Variants in ZFP69B observed in about 807,000 individuals in gnomAD.
ZFP69B encodes ZFP69 zinc finger protein B, also known as zinc finger protein 69 homolog B.
In ZFP69B, 20 loss-of-function variants were observed where a neutral mutation model predicts 19.7. The observed-to-expected ratio is 1.02, with a 90% confidence interval of 0.71 to 1.48. The LOEUF is 1.48. Ranked by LOEUF, ZFP69B falls within the 40% of genes most tolerant of loss-of-function variation. ZFP69B has a pLI of 0.00. For synonymous variants in ZFP69B, 220 were observed against 222.7 expected (o/e 0.99, Z 0.11); for missense variants, 583 against 632.6 (o/e 0.92, Z 0.84).
At chr1:40,458,291 A>G (rs772908030) in intron 4 of ZFP69B, among the ~76,000 whole-genome samples, 38 of 152,120 alleles carry the variant, frequency 2.5e-4, no homozygotes, top group Admixed American at 3.9e-4. Flanking sequence ...TCCTCTATCA[A>G]CTAGTTTAAT....
chr1:40,463,095 G>T lies in ZFP69B; in HGVS notation c.1111G>T (p.Ala371Ser). The change falls in exon 5 of 5, where the codon GCC (alanine) becomes TCC (serine). Residue 371 changes from alanine to serine, a missense_variant. Physicochemically the swap from Ala to Ser is moderately conservative, Grantham distance 99. Coordinates refer to ENST00000361584, the MANE Select transcript of ZFP69B (RefSeq NM_023070.3). ...KPYECRVCEKAFSQSIGLIQH... is the reference protein window; with the variant it reads ...KPYECRVCEKSFSQSIGLIQH... ...CTATGAATGTAGGGTATGTGAGAAAGCCTTCAGCCAGAGCATTGGACTGAT... is the reference window on the plus strand; with the variant it reads ...CTATGAATGTAGGGTATGTGAGAAATCCTTCAGCCAGAGCATTGGACTGAT... The T allele has an allele frequency of 6.2e-7, 1 of 1,614,166 alleles. No homozygotes were observed. The highest frequency in any genetic ancestry group is 8.5e-7 in the Non-Finnish European group (1 of 1,180,024).
chr1:40,451,483 C>T (rs1032896716), intron 1 of ZFP69B, among the ~76,000 whole-genome samples: 2 of 151,976 alleles, frequency 1.3e-5, no homozygotes, highest in East Asian at 1.9e-4. Context: ...GTAACTTGTG[C>T]TAGAAAGCAA....
At chr1:40,455,365 A>C (rs1405783958) in intron 2 of ZFP69B, among the ~76,000 whole-genome samples, 1 of 152,202 alleles carries the variant, frequency 6.6e-6, no homozygotes, top group Non-Finnish European at 1.5e-5. Flanking sequence ...ACATGGTTTA[A>C]TCATGTGTTT....
rs1645242097 is a variant in ZFP69B at position 40,457,266 on chromosome 1, A to G, written c.341-78A>G. The G allele has an allele frequency of 1.9e-6, 3 of 1,540,480 alleles. No individual in the cohort carries two copies. The East Asian group carries it at 6.8e-5, about 35-fold the overall frequency. The stretch of plus-strand genomic sequence containing the variant: ...ACTCTGCTTTCTTTAGAAGGCCCGA[A>G]TACCAAAGAACCATATTTAAATTCT... On this transcript the variant is annotated intron_variant, in intron 3 of 4. Coordinates refer to ENST00000361584, the MANE Select transcript of ZFP69B (RefSeq NM_023070.3).
In ZFP69B at chr1:40,456,983, T is replaced by C; in HGVS notation, c.252T>C (p.Thr84=). 1 of 1,613,976 alleles carries C rather than the reference T, an allele frequency of 6.2e-7. No homozygotes were observed. The highest frequency in any genetic ancestry group is 8.5e-7 in the Non-Finnish European group (1 of 1,179,878). The change falls in exon 3 of 5, where the codon ACT becomes ACC. Residue 84 remains threonine, a synonymous_variant. Transcript: ENST00000361584. The part of the protein sequence containing the change: ...LTFKDVSVDF[T]QEEWGQLAPA... ...TCAAGGACGTATCTGTGGACTTCAC[T>C]CAGGAGGAGTGGGGGCAGCTGGCCC... is the stretch of plus-strand genomic sequence containing the variant.
At position 40,462,429 on chromosome 1, in the gene ZFP69B, A is replaced by G. The variant is rs773022185; in HGVS notation, c.445A>G (p.Ser149Gly). Residue 149 changes from serine to glycine, a missense_variant, in exon 5 of 5, where the codon AGC becomes GGC. Coordinates refer to ENST00000361584, the MANE Select transcript of ZFP69B (RefSeq NM_023070.3). Reference protein sequence around the residue: ...ISGVPSSDLKSKTKTKESALQ... With the variant: ...ISGVPSSDLKGKTKTKESALQ... ...TTTATTATTTCTTTCAGACTTGAAGAGCAAAACAAAAACCAAAGAGTCAGC... is the reference window on the plus strand; with the variant it reads ...TTTATTATTTCTTTCAGACTTGAAGGGCAAAACAAAAACCAAAGAGTCAGC... 79 of 1,580,500 alleles carry G rather than the reference A, an allele frequency of 5.0e-5. No homozygotes were observed. The highest frequency in any genetic ancestry group is 5.9e-5 in the Non-Finnish European group (69 of 1,169,238).
rs1569992465 is a variant in ZFP69B at position 40,463,567 on chromosome 1, A to C, written c.1583A>C (p.Asn528Thr). ...LIRHCKTHLR[N>T]TFSNVV is the part of the protein sequence containing the mutation. ...AGACACTGCAAAACACATTTAAGAA[A>C]TACCTTCAGCAATGTTGTGTGAAAT... is the stretch of plus-strand genomic sequence containing the variant. Residue 528 changes from asparagine to threonine, a missense_variant, in exon 5 of 5, where the codon AAT becomes ACT. Asn to Thr is a moderately conservative substitution (Grantham distance 65). Coordinates refer to ENST00000361584, the MANE Select transcript of ZFP69B (RefSeq NM_023070.3). 2 of 1,609,474 alleles carry C rather than the reference A, an allele frequency of 1.2e-6. No homozygotes were observed. Among genetic ancestry groups the C allele is most frequent in the African/African-American group, 2.7e-5 (2 of 74,812 alleles).
rs1278412915 is a variant in ZFP69B at position 40,462,943 on chromosome 1, C to A, written c.959C>A (p.Ser320Ter). Residue 320 changes from serine (S) to a stop codon, truncating the protein, a stop_gained, in exon 5 of 5, where the codon TCA becomes TAA. Coordinates refer to ENST00000361584, the MANE Select transcript of ZFP69B (RefSeq NM_023070.3). LOFTEE classifies it low-confidence loss of function (END_TRUNC). ...KECGKAFSQSSSLIPHQRIHT... is the reference protein window; with the variant it reads ...KECGKAFSQS The stretch of plus-strand genomic sequence containing the variant: ...TGTGGAAAAGCCTTTAGCCAAAGTT[C>A]ATCTCTTATTCCGCATCAGAGAATT... 5.0e-6 allele frequency: 8 copies of A among 1,613,842 alleles called. No individual in the cohort carries two copies. Among genetic ancestry groups the A allele is most frequent in the Non-Finnish European group, 5.1e-6 (6 of 1,180,002 alleles).
intron 2 of ZFP69B, among the ~76,000 whole-genome samples, chr1:40,456,280 C>T (rs1237611923): frequency 2.6e-5 from 4 of 152,164 alleles, no homozygotes; most frequent in African/African-American, 4.8e-5. Flanking sequence ...TGTTCCCTGA[C>T]TTTTTAATGA....
chr1:40,458,577 T>A (rs184732275), intron 4 of ZFP69B, among the ~76,000 whole-genome samples: 109 of 151,518 alleles, frequency 7.2e-4, no homozygotes, highest in African/African-American at 2.4e-3. Flanking sequence ...AGTGCCGTGG[T>A]GCAGTCTCGG....
At position 40,462,945 on chromosome 1, in the gene ZFP69B, T is replaced by C. The variant is rs1341590636; in HGVS notation, c.961T>C (p.Ser321Pro). 6.2e-7 allele frequency: 1 copy of C among 1,614,050 alleles called. No individual in the cohort carries two copies. The highest frequency in any genetic ancestry group is 2.2e-5 in the East Asian group (1 of 44,838). The change falls in exon 5 of 5, where the codon TCT becomes CCT. Residue 321 changes from serine to proline, a missense_variant. Coordinates refer to ENST00000361584, the MANE Select transcript of ZFP69B (RefSeq NM_023070.3). Reference sequence around the variant, plus strand: ...TGGAAAAGCCTTTAGCCAAAGTTCATCTCTTATTCCGCATCAGAGAATTCA... The same window carrying C: ...TGGAAAAGCCTTTAGCCAAAGTTCACCTCTTATTCCGCATCAGAGAATTCA... ...ECGKAFSQSS[S>P]LIPHQRIHTG... is the part of the protein sequence containing the mutation.
chr1:40,463,063 A>G lies in ZFP69B; in HGVS notation c.1079A>G (p.Glu360Gly), dbSNP rs1645306522. The G allele has an allele frequency of 6.2e-7, 1 of 1,614,176 alleles. No homozygotes were observed. The highest frequency in any genetic ancestry group is 1.3e-5 in the African/African-American group (1 of 75,056). Residue 360 changes from glutamate to glycine, a missense_variant, in exon 5 of 5, where the codon GAA (glutamate) becomes GGA (glycine). Glu to Gly is a moderately conservative substitution (Grantham distance 98). Coordinates refer to ENST00000361584, the MANE Select transcript of ZFP69B (RefSeq NM_023070.3). ...CAACATGTTAGAATTCATACCGGGG[A>G]AAAGCCCTATGAATGTAGGGTATGT... ...LTQHVRIHTG[E>G]KPYECRVCEK...
At chr1:40,452,938 TACAAAG>T (rs1400023804) in intron 1 of ZFP69B, among the ~76,000 whole-genome samples, 1 of 150,756 alleles carries the variant, frequency 6.6e-6, no homozygotes, top group Non-Finnish European at 1.5e-5. Context: ...TGGAATAAAA[TACAAAG>T]ACAGTTATTC....
At chr1:40,462,180 A>C (rs1645291162) in intron 4 of ZFP69B, among the ~76,000 whole-genome samples, 1 of 152,048 alleles carries the variant, frequency 6.6e-6, no homozygotes, top group Admixed American at 6.6e-5. Flanking sequence ...TCAGCCTCCT[A>C]AAATGCTGGG....
intron 2 of ZFP69B, 140 bp from the exon 3 acceptor site, chr1:40,456,805 T>C (rs1645237298): frequency 8.7e-7 from 1 of 1,149,668 alleles, no homozygotes; most frequent in Non-Finnish European, 1.2e-6. Context: ...CCATTTTATG[T>C]AATCTATAAT....
Position 40,462,253 on chromosome 1 carries a change from A to G in ZFP69B, c.437-168A>G, listed in dbSNP as rs569043414. Among the ~76,000 whole-genome samples the G allele has an allele frequency of 5.3e-5, 8 of 152,020 alleles. No homozygotes were observed. The South Asian group carries it at 1.7e-3, about 32-fold the overall frequency. On this transcript the variant is annotated intron_variant, in intron 4 of 4. Coordinates refer to ENST00000361584, the MANE Select transcript of ZFP69B (RefSeq NM_023070.3). ...ATACTTCTGACAGCTTCTTTTCTCT[A>G]CTTCTTCACTTGCATCCATATCAGC...
At chr1:40,453,451 A>G (rs78601006) in intron 1 of ZFP69B, among the ~76,000 whole-genome samples, 3,641 of 152,290 alleles carry the variant, frequency 0.024, 112 homozygotes, top group East Asian at 0.18. Context: ...ATACTAGAAT[A>G]GATATAAAAA....
At chr1:40,457,270 C>A in intron 3 of ZFP69B, 74 bp from the exon 4 acceptor site, 2 of 1,550,356 alleles carry the variant, frequency 1.3e-6, no homozygotes, top group Non-Finnish European at 1.8e-6. Flanking sequence ...GCCCGAATAC[C>A]AAAGAACCAT....
At chr1:40,460,017 T>A (rs1645267410) in intron 4 of ZFP69B, among the ~76,000 whole-genome samples, 1 of 152,122 alleles carries the variant, frequency 6.6e-6, no homozygotes. Flanking sequence ...CCTTAAAGAT[T>A]TTACAGAGTA....
Sources: gnomAD v4.1 joint callset for allele counts (sites outside exome capture counted in the v4.1 genomes callset) on GRCh38, gnomAD v4.1.1 for gene constraint, MANE v1.5 for transcripts, NCBI Gene and HGNC (gene_info 2026-07-23, HGNC 2026-07-21) for gene names.